The following XRN1 variants were observed in gnomAD, a reference collection of about 807,000 sequenced individuals.
The protein encoded by XRN1 is 5'-3' exoribonuclease 1, also known as strand-exchange protein 1 homolog.
A neutral mutation model predicts 222.3 loss-of-function variants in XRN1; 67 were observed. The ratio of observed to expected loss-of-function variants is 0.30; its 90% CI spans 0.25 to 0.37. The LOEUF is 0.37. XRN1 is among the 10% of genes least tolerant of loss of function. The probability of loss-of-function intolerance (pLI) is 1.00; values close to 1 mark genes in which losing one functional copy is unlikely to be tolerated. For synonymous variants in XRN1, 643 were observed against 652.4 expected, an observed-to-expected ratio of 0.99 and a Z score of 0.22; for missense variants, 1,707 against 2,000.2, an observed-to-expected ratio of 0.85 and a Z score of 2.80.
chr3:142,442,330 G>A (rs1284887548), intron 1 of XRN1, among the ~76,000 whole-genome samples: 6 of 152,164 alleles, frequency 3.9e-5, no homozygotes, highest in Non-Finnish European at 8.8e-5. Flanking sequence ...GAAAGGAACC[G>A]CCAAGAGGAT....
At chr3:142,423,736 G>A in intron 5 of XRN1, 94 bp from the exon 6 acceptor site, 3 of 915,524 alleles carry the variant, frequency 3.3e-6, no homozygotes, top group Non-Finnish European at 4.7e-6. Flanking sequence ...ATACAAGGAA[G>A]AATAAGAAAC....
At chr3:142,424,100 T>C (rs935700399) in intron 5 of XRN1, among the ~76,000 whole-genome samples, 1 of 151,692 alleles carries the variant, frequency 6.6e-6, no homozygotes, top group Non-Finnish European at 1.5e-5. Context: ...TCTCACATAG[T>C]ATCTTTTTTT....
intron 36 of XRN1, among the ~76,000 whole-genome samples, chr3:142,331,019 T>C (rs1451774970): frequency 2.0e-5 from 3 of 152,204 alleles, no homozygotes; most frequent in East Asian, 1.9e-4. Context: ...GGTTTCACCA[T>C]GTTGGCCAGG....
chr3:142,386,485 A>C (rs2067505293), intron 20 of XRN1, among the ~76,000 whole-genome samples: 1 of 152,090 alleles, frequency 6.6e-6, no homozygotes, highest in Non-Finnish European at 1.5e-5. Flanking sequence ...AATGATAAAA[A>C]CTCTTAATCA....
chr3:142,375,930 T>C lies in XRN1; in HGVS notation c.2846A>G (p.His949Arg). Residue 949 changes from histidine to arginine, a missense_variant, in exon 25 of 41, where the codon CAT becomes CGT. Physicochemically the swap from His to Arg is conservative, Grantham distance 29. Transcript: ENST00000392981. ...RGSRRNPHGD[H>R]KANVGLNLKF... ...GAGATTTAAACCCACATTTGCTTTA[T>C]GGTCTCCATGAGGGCTGAATTTAAA... 1 of 1,613,390 alleles carries C rather than the reference T, an allele frequency of 6.2e-7. No individual in the cohort carries two copies. Among genetic ancestry groups the C allele is most frequent in the Non-Finnish European group, 8.5e-7 (1 of 1,179,718 alleles).
At chr3:142,334,379 T>C (rs114672292) in intron 34 of XRN1, among the ~76,000 whole-genome samples, 1 of 151,786 alleles carries the variant, frequency 6.6e-6, no homozygotes, top group Admixed American at 6.6e-5. Context: ...GAGATCAATT[T>C]AAAAAAATAT....
chr3:142,358,527 A>G (rs1036914927), intron 30 of XRN1, among the ~76,000 whole-genome samples: 16 of 152,332 alleles, frequency 1.1e-4, no homozygotes, highest in African/African-American at 3.8e-4. Flanking sequence ...AGAAATGAAT[A>G]CACTGCAGGC....
intron 27 of XRN1, among the ~76,000 whole-genome samples, chr3:142,369,661 A>AG (rs1267823617): frequency 6.6e-6 from 1 of 151,292 alleles, no homozygotes; most frequent in East Asian, 1.9e-4. Context: ...AATTAAAAAA[A>AG]AAAAAAAAAA....
At chr3:142,417,355 TG>T in intron 12 of XRN1, 126 bp from the exon 13 acceptor site, 1 of 728,152 alleles carries the variant, frequency 1.4e-6, no homozygotes, top group South Asian at 2.2e-5. Flanking sequence ...TAGCTATTTA[TG>T]GCTAAAAATT....
intron 13 of XRN1, among the ~76,000 whole-genome samples, chr3:142,416,006 C>T (rs780866324): frequency 5.1e-4 from 77 of 151,842 alleles, no homozygotes; most frequent in Admixed American, 5.9e-4. Flanking sequence ...TGCTTGAACC[C>T]GGGAAGGGGA....
Position 142,432,903 on chromosome 3 carries a change from A to G in XRN1, c.76-10T>C, listed in dbSNP as rs2069692571. 1 of 1,586,386 alleles carries G rather than the reference A, an allele frequency of 6.3e-7. No homozygotes were observed. The highest frequency in any genetic ancestry group is 1.1e-5 in the South Asian group (1 of 88,600). On this transcript the variant is annotated splice_polypyrimidine_tract_variant and intron_variant, in intron 1 of 40. Transcript: ENST00000392981. The stretch of plus-strand genomic sequence containing the variant: ...TGTCAAATTCAGGAATCTGAAAAAC[A>G]AAGAAAAATGCTTGAGATCATTTAT...
Position 142,359,897 on chromosome 3 carries a change from T to C in XRN1, c.3429A>G (p.Leu1143=). The part of the protein sequence containing the change: ...NREADVLFEV[L]FDEEFPGGLT... ...ACCCTCCAGGAAATTCTTCATCAAATAATACTTCAAATAGTACATCGGCTT... is the reference window on the plus strand; with the variant it reads ...ACCCTCCAGGAAATTCTTCATCAAACAATACTTCAAATAGTACATCGGCTT... Residue 1143 remains leucine, a synonymous_variant, in exon 30 of 41, where the codon TTA becomes TTG. Coordinates refer to ENST00000392981, the MANE Select transcript of XRN1 (RefSeq NM_001282857.2). 6.2e-7 allele frequency: 1 copy of C among 1,605,792 alleles called. No homozygotes were observed. Among genetic ancestry groups the C allele is most frequent in the African/African-American group, 1.3e-5 (1 of 74,724 alleles).
intron 27 of XRN1, among the ~76,000 whole-genome samples, chr3:142,368,235 G>A (rs900684012): frequency 4.0e-5 from 6 of 151,722 alleles, no homozygotes; most frequent in African/African-American, 7.3e-5. Context: ...TGCAACCTCC[G>A]CTTCCCAGGC....
rs750616001 is a variant in XRN1, at chr3:142,356,944, G to A, written c.3640C>T (p.His1214Tyr). Residue 1214 changes from histidine to tyrosine, a missense_variant, in exon 31 of 41, where the codon CAT (histidine) becomes TAT (tyrosine). By Grantham distance (83) the His-to-Tyr change is moderately conservative. Coordinates refer to ENST00000392981, the MANE Select transcript of XRN1 (RefSeq NM_001282857.2). Reference protein sequence around the residue: ...VSSGHLGALNHSPQSLFVPTQ... With the variant: ...VSSGHLGALNYSPQSLFVPTQ... ...GGAACAAAAAGTGATTGAGGGGAAT[G>A]GTTGAGGGCTCCCAAATGCCCAGAG... 1 of 1,614,082 alleles carries A rather than the reference G, an allele frequency of 6.2e-7. No homozygotes were observed. Among genetic ancestry groups the A allele is most frequent in the Non-Finnish European group, 8.5e-7 (1 of 1,179,982 alleles).
chr3:142,340,075 G>C (rs910334986), intron 33 of XRN1, among the ~76,000 whole-genome samples: 1 of 152,048 alleles, frequency 6.6e-6, no homozygotes, highest in African/African-American at 2.4e-5. Context: ...AAATATATAG[G>C]CTGGGCGCAG....
chr3:142,432,257 A>C (rs2069660789), intron 2 of XRN1, among the ~76,000 whole-genome samples: 1 of 123,576 alleles, frequency 8.1e-6, no homozygotes, highest in Non-Finnish European at 1.5e-5. Flanking sequence ...TATTTTATAT[A>C]TATATATAAA....
chr3:142,406,134 C>T (rs769898534), intron 15 of XRN1, among the ~76,000 whole-genome samples: 26 of 151,916 alleles, frequency 1.7e-4, no homozygotes, highest in Non-Finnish European at 2.6e-4. Context: ...GGTAAACATA[C>T]ATAAAAGTAT....
intron 33 of XRN1, among the ~76,000 whole-genome samples, chr3:142,342,380 C>A (rs2066020728): frequency 6.6e-6 from 1 of 152,142 alleles, no homozygotes; most frequent in Non-Finnish European, 1.5e-5. Context: ...AAGGGATCTA[C>A]AGATTCAATG....
At position 142,418,580 on chromosome 3, in the gene XRN1, C is replaced by A. The variant is rs1244658897; in HGVS notation, c.1270G>T (p.Asp424Tyr). 12 of 1,603,004 alleles carry A rather than the reference C, an allele frequency of 7.5e-6. No homozygotes were observed. Among genetic ancestry groups the A allele is most frequent in the South Asian group, 1.1e-5 (1 of 87,640 alleles). ...DNLEDETEDD[D>Y]LFETEFRQYK... is the part of the protein sequence containing the mutation. ...TGTCTAAACTCAGTTTCAAATAGGT[C>A]ATCATCTTCAGTCTCATCTTCTAAA... is the stretch of plus-strand genomic sequence containing the variant. The change falls in exon 12 of 41, where the codon GAC becomes TAC. Residue 424 changes from aspartate to tyrosine, a missense_variant. By Grantham distance (160) the Asp-to-Tyr change is radical. This residue lies in a region of XRN1 where 1,234 missense variants were observed against 1,518.2 expected (regional missense o/e 0.81). Coordinates refer to ENST00000392981, the MANE Select transcript of XRN1 (RefSeq NM_001282857.2).
Sources: gnomAD v4.1 joint callset for allele counts (sites outside exome capture counted in the v4.1 genomes callset) on GRCh38, gnomAD v4.1.1 for gene constraint, gnomAD v4.1.1 regional missense constraint, MANE v1.5 for transcripts, NCBI Gene and HGNC (gene_info 2026-07-23, HGNC 2026-07-21) for gene names.